MCC: variants seen among roughly 807,000 people sequenced by gnomAD.
MCC encodes MCC regulator of Wnt signaling pathway, also known as colorectal mutant cancer protein.
MCC carries 90 observed loss-of-function variants against 116.2 expected under a neutral mutation model. The observed-to-expected ratio is 0.77, with a 90% CI of 0.65 to 0.92. The LOEUF (loss-of-function observed/expected upper bound fraction) is 0.92, where lower values mean the gene tolerates loss of function less well. MCC is among the 40% of genes least tolerant of loss of function. The probability of loss-of-function intolerance (pLI) is 0.00; values close to 1 mark genes in which losing one functional copy is unlikely to be tolerated. For missense variants in MCC, 1,516 were observed against 1,312.2 expected (o/e 1.16, Z -2.40); for synonymous variants, 578 against 510.5 (o/e 1.13, Z -1.78).
intron 1 of MCC, chr5:113,437,310 G>C (rs1007647724): frequency 2.6e-5 from 4 of 152,140 alleles, no homozygotes; most frequent in Non-Finnish European, 5.9e-5. Flanking sequence ...TGTGTCCCCT[G>C]GCTGCCCTCA....
chr5:113,029,834 C>A (rs887453423), intron 17 of MCC, among the ~76,000 whole-genome samples: 2 of 152,202 alleles, frequency 1.3e-5, no homozygotes, highest in Non-Finnish European at 2.9e-5. Context: ...CACAGTGTTA[C>A]TCCACTTAGT....
chr5:113,403,968 G>A (rs1580336645), intron 1 of MCC, among the ~76,000 whole-genome samples: 1 of 152,308 alleles, frequency 6.6e-6, no homozygotes, highest in East Asian at 1.9e-4. Flanking sequence ...CCGGGTTCAA[G>A]CGATTCTCCT....
At chr5:113,058,364 G>A (rs1171262834) in intron 14 of MCC, among the ~76,000 whole-genome samples, 1 of 152,218 alleles carries the variant, frequency 6.6e-6, no homozygotes, top group Non-Finnish European at 1.5e-5. Context: ...CGCATCAGCA[G>A]CACCTGGGGA....
chr5:113,387,746 C>A (rs565892681), intron 1 of MCC, among the ~76,000 whole-genome samples: 26 of 152,198 alleles, frequency 1.7e-4, no homozygotes, highest in Non-Finnish European at 2.8e-4. Context: ...GTAGTAGTAC[C>A]TACCTCATAG....
Position 113,053,907 on chromosome 5 carries a change from C to T in MCC, c.2266G>A (p.Glu756Lys), listed in dbSNP as rs752109718. Residue 756 changes from glutamate (E) to lysine (K), a missense_variant, in exon 15 of 19, where the codon GAG becomes AAG. Transcript: ENST00000408903. Reference sequence around the variant, plus strand: ...TGGATATAATCCTTCAGCCTCTGCTCGTCTTCTTTAGTGAACTCGGTGTCG... The same window carrying T: ...TGGATATAATCCTTCAGCCTCTGCTTGTCTTCTTTAGTGAACTCGGTGTCG... ...SCDTEFTKED[E>K]QRLKDYIQQL... The T allele has an allele frequency of 1.2e-5, 20 of 1,613,988 alleles. No individual in the cohort carries two copies. The highest frequency in any genetic ancestry group is 1.4e-5 in the Non-Finnish European group (17 of 1,179,962).
At chr5:113,373,049 A>G (rs1319608098) in intron 2 of MCC, among the ~76,000 whole-genome samples, 1 of 151,912 alleles carries the variant, frequency 6.6e-6, no homozygotes, top group Non-Finnish European at 1.5e-5. Context: ...CATGGTGGCG[A>G]GCACCTGTAG....
At chr5:113,309,576 T>C (rs756320683) in intron 3 of MCC, among the ~76,000 whole-genome samples, 9 of 152,124 alleles carry the variant, frequency 5.9e-5, no homozygotes, top group Non-Finnish European at 1.2e-4. Flanking sequence ...TAGTATTCCA[T>C]TATATCTACA....
intron 3 of MCC, among the ~76,000 whole-genome samples, chr5:113,158,081 C>T (rs1473745630): frequency 6.6e-6 from 1 of 152,200 alleles, no homozygotes; most frequent in African/African-American, 2.4e-5. Context: ...GCCCAGCACG[C>T]AAATGCATCA....
intron 3 of MCC, among the ~76,000 whole-genome samples, chr5:113,184,639 G>C (rs1761807589): frequency 4.0e-5 from 6 of 151,650 alleles, no homozygotes; most frequent in Admixed American, 3.9e-4. Context: ...ATAGCAGTTT[G>C]GTTTCTATAA....
At chr5:113,151,660 C>G (rs1323803277) in intron 3 of MCC, among the ~76,000 whole-genome samples, 1 of 152,160 alleles carries the variant, frequency 6.6e-6, no homozygotes, top group African/African-American at 2.4e-5. Flanking sequence ...CCTAATTTTG[C>G]ATGGTATAAT....
At chr5:113,225,224 T>G (rs1042924505) in intron 3 of MCC, among the ~76,000 whole-genome samples, 1 of 152,218 alleles carries the variant, frequency 6.6e-6, no homozygotes, top group African/African-American at 2.4e-5. Context: ...CTTATGTGTT[T>G]TCCTGTATAT....
intron 2 of MCC, among the ~76,000 whole-genome samples, chr5:113,341,184 C>CT (rs2150379015): frequency 6.6e-6 from 1 of 151,574 alleles, no homozygotes; most frequent in East Asian, 1.9e-4. Flanking sequence ...CCTTCCTTTC[C>CT]TTCCTTCCTT....
At chr5:113,379,878 G>T (rs1302255068) in intron 2 of MCC, among the ~76,000 whole-genome samples, 2 of 151,996 alleles carry the variant, frequency 1.3e-5, no homozygotes, top group African/African-American at 4.8e-5. Context: ...TCTTCTTCTG[G>T]AGACTTTCAA....
chr5:113,179,714 G>C (rs1761514721), intron 3 of MCC, among the ~76,000 whole-genome samples: 1 of 152,112 alleles, frequency 6.6e-6, no homozygotes, highest in Non-Finnish European at 1.5e-5. Context: ...GCTGTAAAAT[G>C]CAACAGCCCA....
intron 3 of MCC, among the ~76,000 whole-genome samples, chr5:113,337,577 A>G (rs1052323937): frequency 6.6e-6 from 1 of 152,140 alleles, no homozygotes; most frequent in Non-Finnish European, 1.5e-5. Context: ...TCCTGTGTTC[A>G]GTACGGTTTT....
At chr5:113,128,295 C>G (rs1487742652) in intron 5 of MCC, among the ~76,000 whole-genome samples, 1 of 152,216 alleles carries the variant, frequency 6.6e-6, no homozygotes, top group Admixed American at 6.5e-5. Flanking sequence ...AGCTGTCAGT[C>G]AGCTGTGGCC....
At chr5:113,476,650 T>C (rs927685173) in intron 1 of MCC, among the ~76,000 whole-genome samples, 2 of 152,006 alleles carry the variant, frequency 1.3e-5, no homozygotes, top group African/African-American at 4.8e-5. Context: ...AGCGACAATA[T>C]CAAAACACAA....
At chr5:113,292,051 G>C in intron 3 of MCC, among the ~76,000 whole-genome samples, 1 of 152,148 alleles carries the variant, frequency 6.6e-6, no homozygotes, top group Middle Eastern at 3.4e-3. Context: ...CCAACATAGC[G>C]AAACCTCTTC....
intron 2 of MCC, among the ~76,000 whole-genome samples, chr5:113,355,407 T>C (rs1768386066): frequency 6.6e-6 from 1 of 152,180 alleles, no homozygotes; most frequent in Non-Finnish European, 1.5e-5. Flanking sequence ...AGAGTACTAA[T>C]AGGTAGGCAG....
Sources: allele counts gnomAD v4.1 joint callset (sites outside exome capture counted in the v4.1 genomes callset), GRCh38; gene constraint gnomAD v4.1.1; transcripts MANE v1.5; gene names NCBI Gene and HGNC (gene_info 2026-07-23, HGNC 2026-07-21).